Variants in VEZT observed in about 807,000 individuals in gnomAD.
VEZT encodes vezatin.
Under a neutral mutation model 79.9 loss-of-function variants are expected in VEZT, and 39 were observed. That is an observed-to-expected ratio of 0.49 (90% CI 0.38 to 0.64). VEZT has a LOEUF of 0.64. Among genes scored for constraint, VEZT ranks in the 30% least tolerant of loss-of-function variants. VEZT has a pLI of 0.00. For synonymous variants in VEZT, 325 were observed against 327.6 expected, an observed-to-expected ratio of 0.99 and a Z score of 0.09; for missense variants, 837 against 893.1, an observed-to-expected ratio of 0.94 and a Z score of 0.80.
At chr12:95,276,259 C>CTTTTTTTTTTTTTTTTTTTT (rs35034660) in intron 7 of VEZT, among the ~76,000 whole-genome samples, 42 of 75,146 alleles carry the variant, frequency 5.6e-4, no homozygotes, top group Non-Finnish European at 6.8e-4. Context: ...TAATTTTTTT[C>CTTTTTTTTTTTTTTTTTTTT]TTTTTTTTTT....
intron 1 of VEZT, among the ~76,000 whole-genome samples, chr12:95,243,305 T>G (rs1303993392): frequency 3.5e-5 from 5 of 140,986 alleles, no homozygotes; most frequent in Non-Finnish European, 1.5e-5. Context: ...GAGGTTGCCG[T>G]GAGCAGAGAT....
At chr12:95,231,277 T>C (rs2059243459) in intron 1 of VEZT, 2 of 152,190 alleles carry the variant, frequency 1.3e-5, no homozygotes, top group Admixed American at 6.5e-5. Context: ...ACTCCAGTAT[T>C]CCTATTACCT....
intron 3 of VEZT, among the ~76,000 whole-genome samples, chr12:95,257,706 A>G (rs1452272423): frequency 1.3e-5 from 2 of 152,182 alleles, no homozygotes; most frequent in South Asian, 2.1e-4. Flanking sequence ...CGTCCTAACA[A>G]TACAAAATCC....
In VEZT at chr12:95,282,518, A is replaced by G. The variant is rs1432632285; in HGVS notation, c.1202A>G (p.Tyr401Cys). The G allele has an allele frequency of 6.2e-7, 1 of 1,613,996 alleles. No homozygotes were observed. ...AAGCGCAGCTATGAGTTCTATCGGT[A>G]CTTTGAAACTCAGCACCAGTCAGTA... ...ELKRSYEFYR[Y>C]FETQHQSVPQ... The change falls in exon 8 of 12, where the codon TAC becomes TGC. Residue 401 changes from tyrosine to cysteine, a missense_variant. Physicochemically the swap from Tyr to Cys is radical, Grantham distance 194 (BLOSUM62 -2). Transcript: ENST00000436874.
chr12:95,228,968 C>T (rs1363014745), intron 1 of VEZT, among the ~76,000 whole-genome samples: 1 of 152,052 alleles, frequency 6.6e-6, no homozygotes, highest in Non-Finnish European at 1.5e-5. Context: ...CAGCACTGCA[C>T]TCCAGCCTGG....
At chr12:95,226,646 G>A (rs1171341378) in intron 1 of VEZT, among the ~76,000 whole-genome samples, 1 of 132,124 alleles carries the variant, frequency 7.6e-6, no homozygotes, top group Admixed American at 7.4e-5. Flanking sequence ...ACTATATTTT[G>A]GGTCATTTGT....
chr12:95,284,242 T>G (rs1304709498), intron 8 of VEZT, among the ~76,000 whole-genome samples: 1 of 152,234 alleles, frequency 6.6e-6, no homozygotes, highest in Non-Finnish European at 1.5e-5. Flanking sequence ...CATATCCAAT[T>G]TGCTCTGTAG....
intron 6 of VEZT, among the ~76,000 whole-genome samples, chr12:95,272,383 G>C (rs2066799184): frequency 6.6e-6 from 1 of 152,162 alleles, no homozygotes; most frequent in African/African-American, 2.4e-5. Flanking sequence ...TGGTTAGATA[G>C]ACCAGTGAGT....
chr12:95,267,497 T>C (rs1469477814), intron 5 of VEZT, among the ~76,000 whole-genome samples: 3 of 152,144 alleles, frequency 2.0e-5, no homozygotes, highest in Non-Finnish European at 4.4e-5. Context: ...ATTAGTCGTA[T>C]CTAGAAAATC....
chr12:95,233,300 C>T (rs952758325), intron 1 of VEZT, among the ~76,000 whole-genome samples: 6 of 152,084 alleles, frequency 3.9e-5, no homozygotes, highest in Admixed American at 1.3e-4. Flanking sequence ...AGGATCAGCT[C>T]TCCCTTAATC....
Position 95,274,755 on chromosome 12 carries a change from T to G in VEZT, c.862T>G (p.Ser288Ala), listed in dbSNP as rs749616873. Residue 288 changes from serine to alanine, a missense_variant, in exon 7 of 12, where the codon TCT becomes GCT. Physicochemically the swap from Ser to Ala is moderately conservative, Grantham distance 99. Coordinates refer to ENST00000436874, the MANE Select transcript of VEZT (RefSeq NM_017599.4). The part of the protein sequence containing the change: ...LYMLKNYPLN[S>A]ESDNVTNYIC... ...ACCTAATTTAACCTACCCCCTGAAC[T>G]CTGAGAGTGACAATGTAACCAACTA... The G allele has an allele frequency of 2.5e-6, 4 of 1,612,652 alleles. No homozygotes were observed. The East Asian group carries it at 8.9e-5, about 36-fold the overall frequency.
In VEZT at chr12:95,273,847, T is replaced by C. The variant is rs993857834; in HGVS notation, c.849-895T>C. Among the ~76,000 whole-genome samples the C allele has an allele frequency of 4.6e-5, 7 of 152,180 alleles. 1 individual carries two copies. Among genetic ancestry groups the C allele is most frequent in the Admixed American group, 4.6e-4 (7 of 15,278 alleles). On this transcript the variant is annotated intron_variant, in intron 6 of 11. Coordinates refer to ENST00000436874, the MANE Select transcript of VEZT (RefSeq NM_017599.4). ...ATTGTATCAAAAGATTATTATAATATGACCAAATAGGAATATGCTAGAAAT... is the reference window on the plus strand; with the variant it reads ...ATTGTATCAAAAGATTATTATAATACGACCAAATAGGAATATGCTAGAAAT...
At chr12:95,244,180 C>T (rs1033631009) in intron 1 of VEZT, among the ~76,000 whole-genome samples, 3 of 151,818 alleles carry the variant, frequency 2.0e-5, no homozygotes, top group African/African-American at 7.3e-5. Context: ...ATCACATGAG[C>T]CCAGGGGTTG....
At chr12:95,222,346 T>C (rs1873051) in intron 1 of VEZT, among the ~76,000 whole-genome samples, 44,543 of 151,840 alleles carry the variant, frequency 0.29, 7,584 homozygotes, top group African/African-American at 0.48. Flanking sequence ...AAGATCAACA[T>C]TTTTTTTTCC....
intron 4 of VEZT, 62 bp from the exon 5 acceptor site, chr12:95,266,295 A>C: frequency 6.6e-7 from 1 of 1,509,042 alleles, no homozygotes; most frequent in Non-Finnish European, 8.9e-7. Context: ...TTACTGATTA[A>C]AGTAATTCAT....
At position 95,293,653 on chromosome 12, in the gene VEZT, T is replaced by A. The variant is rs141816484; in HGVS notation, c.1523-619T>A. ...ATGGTCTGTCTTAAGACTGTTCCTA[T>A]GCTGTGAATGATAATATTTTGTTCA... On this transcript the variant is annotated intron_variant, in intron 9 of 11. Transcript: ENST00000436874. 502 of 152,602 alleles carry A rather than the reference T, an allele frequency of 3.3e-3. 1 individual carries two copies. The highest frequency in any genetic ancestry group is 4.7e-3 in the Non-Finnish European group (321 of 68,250). The allele number at this position is 152,602 out of a possible 1,614,324, so 9.5% of individuals were successfully genotyped here. A position where few individuals can be genotyped will look rare whatever the true frequency, so the allele number is the denominator to read the frequency against.
intron 1 of VEZT, among the ~76,000 whole-genome samples, chr12:95,230,679 C>T (rs2059158869): frequency 6.6e-6 from 1 of 151,958 alleles, no homozygotes; most frequent in African/African-American, 2.4e-5. Flanking sequence ...TGCATGCTCT[C>T]CTCACATCCA....
At chr12:95,298,129 T>A (rs10859868) in intron 11 of VEZT, among the ~76,000 whole-genome samples, 20,260 of 149,522 alleles carry the variant, frequency 0.14, 1,498 homozygotes, top group East Asian at 0.24. Context: ...CAAAAAATAA[T>A]AATAATAATA....
rs367585315 is a variant in VEZT, at chr12:95,294,415, T to C, written c.1623+43T>C. ...TGTTCTTTCCCTTGTTGGATTTCTG[T>C]TTCTAATGAGCTTCAAAATTACAAC... On this transcript the variant is annotated intron_variant, in intron 10 of 11. Coordinates refer to ENST00000436874, the MANE Select transcript of VEZT (RefSeq NM_017599.4). The C allele has an allele frequency of 2.6e-5, 38 of 1,452,800 alleles. 1 individual carries two copies. The highest frequency in any genetic ancestry group is 2.9e-5 in the Non-Finnish European group (31 of 1,058,120). 90.0% of individuals were successfully genotyped at this position (1,452,800 alleles called of 1,614,324 possible).
Sources: gnomAD v4.1 joint callset for allele counts (sites outside exome capture counted in the v4.1 genomes callset) on GRCh38, gnomAD v4.1.1 for gene constraint, MANE v1.5 for transcripts, NCBI Gene and HGNC (gene_info 2026-07-23, HGNC 2026-07-21) for gene names.